GRK5: variants seen among roughly 807,000 people sequenced by gnomAD.
The protein encoded by GRK5 is g protein-coupled receptor kinase GRK5.
GRK5 carries 40 observed loss-of-function variants against 78.4 expected under a neutral mutation model. The ratio of observed to expected loss-of-function variants is 0.51; its 90% confidence interval spans 0.40 to 0.66. GRK5 has a LOEUF of 0.66. Ranked by LOEUF, GRK5 falls within the 30% of genes least tolerant of loss-of-function variation. The pLI, the probability that GRK5 is intolerant of heterozygous loss-of-function variation, is 0.00. For missense variants in GRK5, 598 were observed against 759.9 expected (o/e 0.79, Z 2.50); for synonymous variants, 289 against 296.8 (o/e 0.97, Z 0.27).
intron 1 of GRK5, among the ~76,000 whole-genome samples, chr10:119,252,251 A>G (rs1472480564): frequency 6.6e-6 from 1 of 152,188 alleles, no homozygotes; most frequent in Non-Finnish European, 1.5e-5. Flanking sequence ...TTGACAGTTG[A>G]TGGATCACTG....
intron 1 of GRK5, among the ~76,000 whole-genome samples, chr10:119,275,347 C>G (rs1849650705): frequency 6.6e-6 from 1 of 152,182 alleles, no homozygotes; most frequent in African/African-American, 2.4e-5. Flanking sequence ...CACCTTGGCT[C>G]TTTGACCTCG....
At chr10:119,442,126 C>T in intron 11 of GRK5, 38 bp downstream of exon 11, 2 of 1,545,220 alleles carry the variant, frequency 1.3e-6, no homozygotes, top group South Asian at 2.2e-5. Flanking sequence ...CACCTTGAGA[C>T]CCACCACCTG....
intron 2 of GRK5, among the ~76,000 whole-genome samples, chr10:119,341,939 C>T (rs1589754356): frequency 1.3e-5 from 2 of 152,308 alleles, no homozygotes; most frequent in Non-Finnish European, 2.9e-5. Context: ...TTCCTAGTTG[C>T]ACCTCCCGCC....
At chr10:119,261,418 G>A (rs1849397141) in intron 1 of GRK5, among the ~76,000 whole-genome samples, 1 of 149,744 alleles carries the variant, frequency 6.7e-6, no homozygotes, top group Admixed American at 6.6e-5. Context: ...TTCCAGACTG[G>A]GCAGCCAGGC....
rs201354793 is a variant in GRK5 at position 119,459,406 on chromosome 10, C to A, written c.*4339C>A. The A allele has an allele frequency of 2.0e-5, 3 of 152,162 alleles. No individual in the cohort carries two copies. The highest frequency in any genetic ancestry group is 4.4e-5 in the Non-Finnish European group (3 of 68,016). 9.4% of individuals were successfully genotyped at this position (152,162 alleles called of 1,614,324 possible). A position where few individuals can be genotyped will look rare whatever the true frequency, so the allele number is the denominator to read the frequency against. On this transcript the variant is annotated 3_prime_UTR_variant, in exon 16 of 16. Transcript: ENST00000392870. The stretch of plus-strand genomic sequence containing the variant: ...CCCTGGCAGAGAAAGACACTTCCCC[C>A]CCAAAGTGGAATTTAGATGTCTTTC...
Position 119,455,162 on chromosome 10 carries a change from A to C in GRK5, c.*95A>C. ...GAGCCCCTGCTCTGGTGGGGCTGCC[A>C]GGGGAGACCCCGGGAGCCGGGGAAG... On this transcript the variant is annotated 3_prime_UTR_variant, in exon 16 of 16. Transcript: ENST00000392870. 9.9e-7 allele frequency: 1 copy of C among 1,006,464 alleles called. No homozygotes were observed. Among genetic ancestry groups the C allele is most frequent in the Non-Finnish European group, 1.6e-6 (1 of 636,472 alleles). 62.3% of individuals were successfully genotyped at this position (1,006,464 alleles called of 1,614,324 possible).
At chr10:119,275,054 T>C (rs1188568200) in intron 1 of GRK5, among the ~76,000 whole-genome samples, 1 of 152,184 alleles carries the variant, frequency 6.6e-6, no homozygotes, top group East Asian at 1.9e-4. Context: ...AGACCCAGCC[T>C]CTCTGGGTTT....
chr10:119,442,031 G>A lies in GRK5; in HGVS notation c.1000G>A (p.Val334Met). ...HIRISDLGLA[V>M]KIPEGDLIRG... Reference sequence around the variant, plus strand: ...TAGGATCTCAGACCTGGGCTTGGCTGTGAAGATCCCCGAGGGAGACCTGAT... The same window carrying A: ...TAGGATCTCAGACCTGGGCTTGGCTATGAAGATCCCCGAGGGAGACCTGAT... Residue 334 changes from valine (V) to methionine (M), a missense_variant, in exon 11 of 16, where the codon GTG becomes ATG. Physicochemically the swap from Val to Met is conservative, Grantham distance 21. Transcript: ENST00000392870. 6.2e-7 allele frequency: 1 copy of A among 1,614,044 alleles called. No homozygotes were observed. The highest frequency in any genetic ancestry group is 8.5e-7 in the Non-Finnish European group (1 of 1,179,934).
At chr10:119,419,291 G>A (rs1205446417) in intron 4 of GRK5, among the ~76,000 whole-genome samples, 3 of 152,216 alleles carry the variant, frequency 2.0e-5, no homozygotes, top group African/African-American at 4.8e-5. Flanking sequence ...GATCTGACAC[G>A]CAGCCAGCGG....
intron 6 of GRK5, among the ~76,000 whole-genome samples, chr10:119,426,359 T>C (rs1852676580): frequency 6.6e-6 from 1 of 152,086 alleles, no homozygotes; most frequent in Non-Finnish European, 1.5e-5. Flanking sequence ...CACAGGCACA[T>C]CATGACTCCA....
At chr10:119,275,788 G>A (rs1259350820) in intron 1 of GRK5, among the ~76,000 whole-genome samples, 1 of 152,160 alleles carries the variant, frequency 6.6e-6, no homozygotes, top group Admixed American at 6.6e-5. Context: ...AAAATGCAGC[G>A]TTTGGAGGAA....
At chr10:119,326,419 T>C in intron 1 of GRK5, 97 bp from the exon 2 acceptor site, 1 of 945,386 alleles carries the variant, frequency 1.1e-6, no homozygotes, top group African/African-American at 1.6e-5. Context: ...AGCCCGTCCC[T>C]CTGTCTCTCA....
chr10:119,374,591 C>T (rs770180028), intron 2 of GRK5, among the ~76,000 whole-genome samples: 6 of 152,186 alleles, frequency 3.9e-5, no homozygotes, highest in South Asian at 2.1e-4. Context: ...GCCCCCAAGA[C>T]GTGTGTTGCT....
At chr10:119,240,804 ACTC>A (rs1263764423) in intron 1 of GRK5, among the ~76,000 whole-genome samples, 1 of 150,410 alleles carries the variant, frequency 6.6e-6, no homozygotes, top group Non-Finnish European at 1.5e-5. Flanking sequence ...CTAGACTTGA[ACTC>A]CTGAGCTCAA....
intron 1 of GRK5, among the ~76,000 whole-genome samples, chr10:119,242,993 C>T (rs926934546): frequency 6.6e-6 from 1 of 152,178 alleles, no homozygotes; most frequent in African/African-American, 2.4e-5. Context: ...AATCCCAGCA[C>T]TTTGGGAGGG....
At chr10:119,248,571 G>A (rs1849150433) in intron 1 of GRK5, among the ~76,000 whole-genome samples, 1 of 152,108 alleles carries the variant, frequency 6.6e-6, no homozygotes, top group Non-Finnish European at 1.5e-5. Context: ...TAGACTGCCT[G>A]GCTTTGAAAC....
chr10:119,394,984 G>T (rs1027028396), intron 3 of GRK5, among the ~76,000 whole-genome samples: 3 of 151,056 alleles, frequency 2.0e-5, no homozygotes, highest in Non-Finnish European at 4.4e-5. Flanking sequence ...ATCAAGAAGT[G>T]CCCAGTCCCT....
intron 1 of GRK5, among the ~76,000 whole-genome samples, chr10:119,272,087 C>G (rs1299261696): frequency 6.6e-6 from 1 of 152,174 alleles, no homozygotes; most frequent in African/African-American, 2.4e-5. Context: ...GTGGTGATGC[C>G]CCGTTCAGCA....
intron 4 of GRK5, among the ~76,000 whole-genome samples, chr10:119,407,888 G>A (rs1852265810): frequency 6.6e-6 from 1 of 152,210 alleles, no homozygotes; most frequent in Admixed American, 6.5e-5. Context: ...GGGGGGCTGG[G>A]TGTGGTGGCT....
Sources: allele counts gnomAD v4.1 joint callset (sites outside exome capture counted in the v4.1 genomes callset), GRCh38; gene constraint gnomAD v4.1.1; transcripts MANE v1.5; gene names NCBI Gene and HGNC (gene_info 2026-07-23, HGNC 2026-07-21).